Variants in GABBR1 observed in about 807,000 individuals in gnomAD.
The protein encoded by GABBR1 is GABA-B receptor, R1 subunit.
In GABBR1, 35 loss-of-function variants were observed where a neutral mutation model predicts 117.7. The observed-to-expected ratio is 0.30, with a 90% confidence interval of 0.23 to 0.39. The LOEUF is 0.39. Among genes scored for constraint, GABBR1 ranks in the 10% least tolerant of loss-of-function variants. The probability of loss-of-function intolerance (pLI) is 1.00; values close to 1 mark genes in which losing one functional copy is unlikely to be tolerated. For synonymous variants in GABBR1, 442 were observed against 486.6 expected, an observed-to-expected ratio of 0.91 and a Z score of 1.21; for missense variants, 709 against 1,241.8, an observed-to-expected ratio of 0.57 and a Z score of 6.45.
chr6:29,632,367 G>C lies in GABBR1; in HGVS notation c.19C>G (p.Leu7Val). The change falls in exon 2 of 23, where the codon CTG (leucine) becomes GTG (valine). Residue 7 changes from leucine to valine, a missense_variant. Leu to Val is a conservative substitution (Grantham distance 32, BLOSUM62 1). Transcript: ENST00000377034. The surrounding 1 kb of genome is among the most constrained non-coding windows in gnomAD (Gnocchi z 5.8). ...GGGGGGCGGAGGAAGAGTGGCGCCA[G>C]TAGCAGCAGCAGCAACATCTAAGTG... is the stretch of plus-strand genomic sequence containing the variant. Reference protein sequence around the residue: MLLLLLLAPLFLRPPGA... With the variant: MLLLLLVAPLFLRPPGA... The C allele has an allele frequency of 7.4e-7, 1 of 1,349,280 alleles. No individual in the cohort carries two copies. Among genetic ancestry groups the C allele is most frequent in the Non-Finnish European group, 9.6e-7 (1 of 1,045,218 alleles). The allele number at this position is 1,349,280 out of a possible 1,614,324, so 83.6% of individuals were successfully genotyped here.
intron 13 of GABBR1, 88 bp downstream of exon 13, chr6:29,612,463 G>T: frequency 1.9e-6 from 2 of 1,076,774 alleles, no homozygotes; most frequent in African/African-American, 1.5e-5. Flanking sequence ...GCAATCTTGT[G>T]ATGTCTCTGG....
In GABBR1 at chr6:29,606,830, C is replaced by T; in HGVS notation, c.2217+67G>A. ...TTCATCCCTCAAGACACACACAGCCCCAGGGCCCTGATGGCCACTGAGCCC... is the reference window on the plus strand; with the variant it reads ...TTCATCCCTCAAGACACACACAGCCTCAGGGCCCTGATGGCCACTGAGCCC... On this transcript the variant is annotated intron_variant, in intron 18 of 22. Coordinates refer to ENST00000377034, the MANE Select transcript of GABBR1 (RefSeq NM_001470.4). The surrounding 1 kb of genome is among the most constrained non-coding windows in gnomAD (Gnocchi z 4.5). 1 of 1,333,348 alleles carries T rather than the reference C, an allele frequency of 7.5e-7. No homozygotes were observed. The highest frequency in any genetic ancestry group is 1.1e-6 in the Non-Finnish European group (1 of 930,962). The allele number at this position is 1,333,348 out of a possible 1,614,324, so 82.6% of individuals were successfully genotyped here. A position where few individuals can be genotyped will look rare whatever the true frequency, so the allele number is the denominator to read the frequency against.
At chr6:29,628,236 AAGGG>A in intron 5 of GABBR1, 1 of 948,704 alleles carries the variant, frequency 1.1e-6, no homozygotes, top group Non-Finnish European at 1.2e-6. Context: ...ACGAAAGAGG[AAGGG>A]AGGGATCTCA....
intron 6 of GABBR1, among the ~76,000 whole-genome samples, chr6:29,624,807 G>C (rs1162034464): frequency 6.6e-6 from 1 of 151,990 alleles, no homozygotes; most frequent in East Asian, 1.9e-4. Flanking sequence ...CTTGGGAGGA[G>C]GGGAAATGGG....
Position 29,627,748 on chromosome 6 carries a change from G to C in GABBR1, c.497-102C>G, listed in dbSNP as rs1272538987. 4 of 1,497,762 alleles carry C rather than the reference G, an allele frequency of 2.7e-6. No homozygotes were observed. The highest frequency in any genetic ancestry group is 4.6e-5 in the Admixed American group (2 of 43,874). The allele number at this position is 1,497,762 out of a possible 1,614,324, so 92.8% of individuals were successfully genotyped here. On this transcript the variant is annotated intron_variant, in intron 5 of 22. Transcript: ENST00000377034. The surrounding 1 kb of genome is among the most constrained non-coding windows in gnomAD (Gnocchi z 4.4). The stretch of plus-strand genomic sequence containing the variant: ...CCCTGCCGCCATCACAACCAGAAGC[G>C]GCAGTGGCCACCCCACCCGGGCAAA...
In GABBR1 at chr6:29,604,760, G is replaced by C. The variant is rs1412463669; in HGVS notation, c.2568+100C>G. 2 of 1,585,290 alleles carry C rather than the reference G, an allele frequency of 1.3e-6. No homozygotes were observed. Among genetic ancestry groups the C allele is most frequent in the African/African-American group, 1.3e-5 (1 of 74,458 alleles). ...GGGCCCAAAACAAGGGGAGGAGTGA[G>C]AGGAGGGTGAACGGAAGGGCAGAGG... On this transcript the variant is annotated intron_variant, in intron 21 of 22. Coordinates refer to ENST00000377034, the MANE Select transcript of GABBR1 (RefSeq NM_001470.4). The surrounding 1 kb of genome is among the most constrained non-coding windows in gnomAD (Gnocchi z 5.3).
intron 4 of GABBR1, 58 bp from the exon 5 acceptor site, chr6:29,629,165 G>C (rs1235024302): frequency 1.3e-6 from 2 of 1,598,372 alleles, no homozygotes; most frequent in Non-Finnish European, 1.7e-6. Context: ...CAGCTTCCCT[G>C]GCCTGATCCC....
Position 29,632,462 on chromosome 6 carries a change from G to T in GABBR1, c.1-77C>A. 8.4e-7 allele frequency: 1 copy of T among 1,194,580 alleles called. No individual in the cohort carries two copies. The highest frequency in any genetic ancestry group is 1.1e-6 in the Non-Finnish European group (1 of 908,852). The allele number at this position is 1,194,580 out of a possible 1,614,324, so 74.0% of individuals were successfully genotyped here. A position where few individuals can be genotyped will look rare whatever the true frequency, so the allele number is the denominator to read the frequency against. On this transcript the variant is annotated intron_variant, in intron 1 of 22. Transcript: ENST00000377034. This position sits in a 1 kb window ranked among gnomAD's most constrained non-coding sequence, Gnocchi z 5.8. ...GCACCCGGAGACTACTCGACCTCTT[G>T]CCGGTTGCCTCGCAGGCTCCGACCG...
chr6:29,632,427 G>A lies in GABBR1; in HGVS notation c.1-42C>T. 1.5e-6 allele frequency: 2 copies of A among 1,311,718 alleles called. No homozygotes were observed. Among genetic ancestry groups the A allele is most frequent in the African/African-American group, 1.6e-5 (1 of 64,424 alleles). 81.3% of individuals were successfully genotyped at this position (1,311,718 alleles called of 1,614,324 possible). A position where few individuals can be genotyped will look rare whatever the true frequency, so the allele number is the denominator to read the frequency against. ...CATGAGGACTGGACCGAGCCCCGCC[G>A]GCGCGGCCCGCACCCGGAGACTACT... On this transcript the variant is annotated intron_variant, in intron 1 of 22. Transcript: ENST00000377034. The surrounding 1 kb of genome is among the most constrained non-coding windows in gnomAD (Gnocchi z 5.8).
chr6:29,632,170 G>T lies in GABBR1; in HGVS notation c.85+131C>A. 1 of 545,896 alleles carries T rather than the reference G, an allele frequency of 1.8e-6. No individual in the cohort carries two copies. The highest frequency in any genetic ancestry group is 3.8e-5 in the South Asian group (1 of 26,086). The allele number at this position is 545,896 out of a possible 1,614,324, so 33.8% of individuals were successfully genotyped here. A position where few individuals can be genotyped will look rare whatever the true frequency, so the allele number is the denominator to read the frequency against. On this transcript the variant is annotated intron_variant, in intron 2 of 22. Coordinates refer to ENST00000377034, the MANE Select transcript of GABBR1 (RefSeq NM_001470.4). The surrounding 1 kb of genome is among the most constrained non-coding windows in gnomAD (Gnocchi z 5.8). ...AGGTCAGCAGTAGTAAAGTCGGGCCGAGCAGAAGGGGTTGCCAGACCGGGA... is the reference window on the plus strand; with the variant it reads ...AGGTCAGCAGTAGTAAAGTCGGGCCTAGCAGAAGGGGTTGCCAGACCGGGA...
Position 29,631,529 on chromosome 6 carries a change from C to G in GABBR1, c.156G>C (p.Lys52Asn), listed in dbSNP as rs79665842. 1 of 1,614,218 alleles carries G rather than the reference C, an allele frequency of 6.2e-7. No individual in the cohort carries two copies. Among genetic ancestry groups the G allele is most frequent in the East Asian group, 2.2e-5 (1 of 44,892 alleles). ...AGTCCACTGGCAGGAAGTTGATAGC[C>G]TTCACCTGGTCCCGAGTCAGGCCCC... ...RYRGLTRDQV[K>N]AINFLPVDYE... Residue 52 changes from lysine to asparagine, a missense_variant, in exon 3 of 23, where the codon AAG becomes AAC. Lys to Asn is a moderately conservative substitution (Grantham distance 94). Coordinates refer to ENST00000377034, the MANE Select transcript of GABBR1 (RefSeq NM_001470.4). This position sits in a 1 kb window ranked among gnomAD's most constrained non-coding sequence, Gnocchi z 5.9.
chr6:29,605,599 C>G lies in GABBR1; in HGVS notation c.2409G>C (p.Arg803=), dbSNP rs750314033. 3.7e-6 allele frequency: 6 copies of G among 1,613,016 alleles called. No individual in the cohort carries two copies. The highest frequency in any genetic ancestry group is 3.3e-5 in the South Asian group (3 of 91,072). Residue 803 remains arginine (R), a synonymous_variant, in exon 20 of 23, where the codon CGG becomes CGC. Coordinates refer to ENST00000377034, the MANE Select transcript of GABBR1 (RefSeq NM_001470.4). The surrounding 1 kb of genome is among the most constrained non-coding windows in gnomAD (Gnocchi z 4.2). ...SVSTEKINDH[R]AVGMAIYNVA... is the part of the protein sequence containing the mutation. The stretch of plus-strand genomic sequence containing the variant: ...CATTGTAGATAGCCATGCCCACAGC[C>G]CGGTGATCATTGATCTTCTCAGTGG...
At chr6:29,610,863 AT>A in intron 14 of GABBR1, 60 bp downstream of exon 14, 1 of 1,420,174 alleles carries the variant, frequency 7.0e-7, no homozygotes, top group Non-Finnish European at 1.0e-6. Flanking sequence ...ACTCAAAGGC[AT>A]GACTTTTTCC....
chr6:29,617,776 CTT>C (rs1242848295), intron 11 of GABBR1, among the ~76,000 whole-genome samples: 1 of 152,180 alleles, frequency 6.6e-6, no homozygotes, highest in Non-Finnish European at 1.5e-5. Context: ...CCTCTTAACT[CTT>C]TTGTTGAAAT....
Position 29,623,504 on chromosome 6 carries a change from G to A in GABBR1, c.793-29C>T, listed in dbSNP as rs763898847. On this transcript the variant is annotated intron_variant, in intron 7 of 22. Coordinates refer to ENST00000377034, the MANE Select transcript of GABBR1 (RefSeq NM_001470.4). The surrounding 1 kb of genome is among the most constrained non-coding windows in gnomAD (Gnocchi z 6.2). ...TGGGGCAGGGAGAGTGAGTGCAACA[G>A]GGTCTGTTCACTGAGGACACCAAGA... 1.2e-6 allele frequency: 2 copies of A among 1,608,026 alleles called. No homozygotes were observed. The highest frequency in any genetic ancestry group is 1.7e-6 in the Non-Finnish European group (2 of 1,176,664).
chr6:29,627,778 G>T lies in GABBR1; in HGVS notation c.497-132C>A, dbSNP rs559736409. 4.2e-4 allele frequency: 614 copies of T among 1,458,696 alleles called. 1 individual carries two copies. Among genetic ancestry groups the T allele is most frequent in the African/African-American group, 3.8e-3 (269 of 70,004 alleles). 90.4% of individuals were successfully genotyped at this position (1,458,696 alleles called of 1,614,324 possible). On this transcript the variant is annotated intron_variant, in intron 5 of 22. Transcript: ENST00000377034. This position sits in a 1 kb window ranked among gnomAD's most constrained non-coding sequence, Gnocchi z 4.4. Reference sequence around the variant, plus strand: ...TGGCCACCCCACCCGGGCAAAAGGGGCCCCGGGCCCCATGGCGTGGGGGGC... The same window carrying T: ...TGGCCACCCCACCCGGGCAAAAGGGTCCCCGGGCCCCATGGCGTGGGGGGC...
chr6:29,625,229 T>A (rs1314642583), intron 6 of GABBR1, among the ~76,000 whole-genome samples: 2 of 152,076 alleles, frequency 1.3e-5, no homozygotes, highest in African/African-American at 4.8e-5. Context: ...TGCCTCCCAC[T>A]AGGGCAACTT....
At position 29,632,335 on chromosome 6, in the gene GABBR1, C is replaced by T; in HGVS notation, c.51G>A (p.Ala17=). Reference sequence around the variant, plus strand: ...TGGCGTTGGGGGTCTGCGCCCCGCCCGCGCCCGGGGGGCGGAGGAAGAGTG... The same window carrying T: ...TGGCGTTGGGGGTCTGCGCCCCGCCTGCGCCCGGGGGGCGGAGGAAGAGTG... ...LAPLFLRPPG[A]GGAQTPNATS... The change falls in exon 2 of 23, where the codon GCG becomes GCA. Residue 17 remains alanine (A), a synonymous_variant. Coordinates refer to ENST00000377034, the MANE Select transcript of GABBR1 (RefSeq NM_001470.4). The surrounding 1 kb of genome is among the most constrained non-coding windows in gnomAD (Gnocchi z 5.8). 1 of 1,368,632 alleles carries T rather than the reference C, an allele frequency of 7.3e-7. No homozygotes were observed. Among genetic ancestry groups the T allele is most frequent in the Non-Finnish European group, 9.5e-7 (1 of 1,057,258 alleles). 84.8% of individuals were successfully genotyped at this position (1,368,632 alleles called of 1,614,324 possible). A position where few individuals can be genotyped will look rare whatever the true frequency, so the allele number is the denominator to read the frequency against.
Position 29,631,752 on chromosome 6 carries a change from GACAGGT to G in GABBR1, c.86-159_86-154del, listed in dbSNP as rs1240231738. Among the ~76,000 whole-genome samples the G allele has an allele frequency of 6.6e-6, 1 of 152,108 alleles. No individual in the cohort carries two copies. Among genetic ancestry groups the G allele is most frequent in the East Asian group, 1.9e-4 (1 of 5,188 alleles). On this transcript the variant is annotated intron_variant, in intron 2 of 22. Transcript: ENST00000377034. The surrounding 1 kb of genome is among the most constrained non-coding windows in gnomAD (Gnocchi z 5.9). ...TGGGGCACTAGAGGGTGGGAGTGGG[GACAGGT>G]ACAGATCCCCTGGCTAAAGGACAGA...
Sources: allele counts gnomAD v4.1 joint callset (sites outside exome capture counted in the v4.1 genomes callset), GRCh38; gene constraint gnomAD v4.1.1; non-coding constraint Gnocchi (gnomAD v3.1); transcripts MANE v1.5; gene names NCBI Gene and HGNC (gene_info 2026-07-23, HGNC 2026-07-21).